The following KIF1B variants were observed in gnomAD, a reference collection of about 807,000 sequenced individuals.
The protein encoded by KIF1B is kinesin-like protein KIF1B.
KIF1B carries 76 observed loss-of-function variants against 241.9 expected under a neutral mutation model. The observed-to-expected ratio is 0.31, with a 90% confidence interval of 0.26 to 0.38. The LOEUF is 0.38. KIF1B is among the 10% of genes least tolerant of loss of function. KIF1B has a pLI of 1.00. For missense variants in KIF1B, 1,622 were observed against 2,271.4 expected (o/e 0.71, Z 5.81); for synonymous variants, 750 against 796.7 (o/e 0.94, Z 0.99).
chr1:10,324,808 C>T lies in KIF1B; in HGVS notation c.2588C>T (p.Ala863Val), dbSNP rs768644439. Reference protein sequence around the residue: ...REMYDRAGEMASSAQDESETT... With the variant: ...REMYDRAGEMVSSAQDESETT... ...ATGTATGATAGGGCAGGGGAGATGGCCTCCAGTGCCCAAGACGAAAGCGAA... is the reference window on the plus strand; with the variant it reads ...ATGTATGATAGGGCAGGGGAGATGGTCTCCAGTGCCCAAGACGAAAGCGAA... The change falls in exon 26 of 49, where the codon GCC (alanine) becomes GTC (valine). Residue 863 changes from alanine (A) to valine (V), a missense_variant. Ala to Val is a moderately conservative substitution (Grantham distance 64). Around this residue, in one of 7 missense-constraint regions of KIF1B, gnomAD observed 803 missense variants for 1,112.0 expected, o/e 0.72. Coordinates refer to ENST00000676179, the MANE Select transcript of KIF1B (RefSeq NM_001365951.3). 5.0e-6 allele frequency: 8 copies of T among 1,613,834 alleles called. No individual in the cohort carries two copies. Among genetic ancestry groups the T allele is most frequent in the Non-Finnish European group, 5.1e-6 (6 of 1,179,872 alleles).
intron 1 of KIF1B, among the ~76,000 whole-genome samples, chr1:10,229,198 A>C (rs779789138): frequency 1.3e-5 from 2 of 152,240 alleles, no homozygotes; most frequent in Non-Finnish European, 2.9e-5. Context: ...GTGATCATAA[A>C]AATATTTGAT....
At position 10,326,269 on chromosome 1, in the gene KIF1B, C is replaced by T; in HGVS notation, c.2834C>T (p.Ser945Phe). The T allele has an allele frequency of 6.2e-7, 1 of 1,614,188 alleles. No homozygotes were observed. The highest frequency in any genetic ancestry group is 8.5e-7 in the Non-Finnish European group (1 of 1,180,040). Residue 945 changes from serine (S) to phenylalanine (F), a missense_variant, in exon 27 of 49, where the codon TCT (serine) becomes TTT (phenylalanine). By Grantham distance (155) the Ser-to-Phe change is radical. Coordinates refer to ENST00000676179, the MANE Select transcript of KIF1B (RefSeq NM_001365951.3). This position sits in a 1 kb window ranked among gnomAD's most constrained non-coding sequence, Gnocchi z 5.2. ...GAGGCATTCGTGGATGACGCCGGCT[C>T]TGACGCAGGGACGGAGGAGGGATCA... ...DDEAFVDDAG[S>F]DAGTEEGSDL...
chr1:10,321,855 A>G lies in KIF1B; in HGVS notation c.2356A>G (p.Lys786Glu), dbSNP rs993285684. The G allele has an allele frequency of 1.2e-6, 2 of 1,614,000 alleles. No homozygotes were observed. Among genetic ancestry groups the G allele is most frequent in the Non-Finnish European group, 1.7e-6 (2 of 1,180,004 alleles). ...ANAISVELKK[K>E]VQFQFVLLTD... ...TGCCATCAGTGTGGAACTGAAAAAG[A>G]AGGTATGGAGCAGGAGGACACAGGA... The change falls in exon 24 of 49, where the codon AAG becomes GAG. Residue 786 changes from lysine (K) to glutamate (E), a missense_variant and splice_region_variant. By Grantham distance (56) the Lys-to-Glu change is moderately conservative. This residue lies in a region of KIF1B where 803 missense variants were observed against 1,112.0 expected (regional missense o/e 0.72). Coordinates refer to ENST00000676179, the MANE Select transcript of KIF1B (RefSeq NM_001365951.3).
chr1:10,337,613 T>A lies in KIF1B; in HGVS notation c.3422+80T>A. 1 of 1,445,072 alleles carries A rather than the reference T, an allele frequency of 6.9e-7. No individual in the cohort carries two copies. The highest frequency in any genetic ancestry group is 9.7e-7 in the Non-Finnish European group (1 of 1,028,998). The allele number at this position is 1,445,072 out of a possible 1,614,324, so 89.5% of individuals were successfully genotyped here. On this transcript the variant is annotated intron_variant, in intron 31 of 48. Transcript: ENST00000676179. The surrounding 1 kb of genome is among the most constrained non-coding windows in gnomAD (Gnocchi z 4.0). ...CTTGTGCACTGTAGAGTGCTTTACA[T>A]GTGTGAGGGATTAACACTCTTGAGA...
chr1:10,221,085 A>C (rs892756500), intron 1 of KIF1B, among the ~76,000 whole-genome samples: 1 of 148,386 alleles, frequency 6.7e-6, no homozygotes, highest in African/African-American at 2.5e-5. Flanking sequence ...GTTAGAATAC[A>C]GAAAGAAGCT....
At position 10,257,795 on chromosome 1, in the gene KIF1B, C is replaced by G. The variant is rs1647883569; in HGVS notation, c.184-698C>G. Among the ~76,000 whole-genome samples, 4 of 152,078 alleles carry G rather than the reference C, an allele frequency of 2.6e-5. 1 individual carries two copies. The South Asian group carries it at 8.3e-4, about 32-fold the overall frequency. On this transcript the variant is annotated intron_variant, in intron 3 of 48. Transcript: ENST00000676179. ...GGTTCAAGCAGTTCTCCTGCTTCAG[C>G]CTCCTGAGTATCTGAGATTACAGGC...
chr1:10,304,383 A>G (rs764163365), intron 22 of KIF1B: 2 of 1,614,114 alleles, frequency 1.2e-6, no homozygotes, highest in Admixed American at 1.7e-5. Context: ...GCTGCCAGGC[A>G]TCTGCCTCCG....
chr1:10,271,595 A>C lies in KIF1B; in HGVS notation c.798+16A>C. On this transcript the variant is annotated intron_variant, in intron 8 of 48. Coordinates refer to ENST00000676179, the MANE Select transcript of KIF1B (RefSeq NM_001365951.3). The stretch of plus-strand genomic sequence containing the variant: ...TCGATTAAAGGTATTTATTTTAGCA[A>C]ATAAATGGCCTGATCAATAAATGGC... The C allele has an allele frequency of 6.4e-7, 1 of 1,573,898 alleles. No individual in the cohort carries two copies. Among genetic ancestry groups the C allele is most frequent in the Non-Finnish European group, 8.7e-7 (1 of 1,143,368 alleles).
rs567157730 is a variant in KIF1B at position 10,303,646 on chromosome 1, G to T, written c.2115+6400G>T. ...CAGCACTGATGTAGATGACCTCAAG[G>T]TTCATATAGACAAGCTGGAAGATAT... On this transcript the variant is annotated intron_variant, in intron 22 of 48. Coordinates refer to ENST00000676179, the MANE Select transcript of KIF1B (RefSeq NM_001365951.3). This position sits in a 1 kb window ranked among gnomAD's most constrained non-coding sequence, Gnocchi z 5.2. 276 of 1,614,168 alleles carry T rather than the reference G, an allele frequency of 1.7e-4. 5 individuals carry two copies. The South Asian group carries it at 2.8e-3, about 16-fold the overall frequency.
Position 10,349,112 on chromosome 1 carries a change from G to A in KIF1B, c.3949+379G>A, listed in dbSNP as rs905049926. Among the ~76,000 whole-genome samples the A allele has an allele frequency of 8.5e-5, 13 of 152,256 alleles. No individual in the cohort carries two copies. In the East Asian group the frequency reaches 2.1e-3, roughly 25 times the overall value. On this transcript the variant is annotated intron_variant, in intron 37 of 48. Transcript: ENST00000676179. ...TAACTAACTCAGTTACCAGGGAATG[G>A]TTCTGTGGTAGAGTCTGTGAGAGGG...
chr1:10,375,017 T>G lies in KIF1B; in HGVS notation c.5260T>G (p.Tyr1754Asp), dbSNP rs1361142669. 1.9e-6 allele frequency: 3 copies of G among 1,614,016 alleles called. No individual in the cohort carries two copies. Among genetic ancestry groups the G allele is most frequent in the Non-Finnish European group, 2.5e-6 (3 of 1,180,004 alleles). Residue 1754 changes from tyrosine (Y) to aspartate (D), a missense_variant, in exon 47 of 49, where the codon TAC becomes GAC. Physicochemically the swap from Tyr to Asp is radical, Grantham distance 160. Transcript: ENST00000676179. ...TAACCTGTCCACAGCACAGGTGGAG[T>G]ACAGTGAGGACCAGCAGGCCATGGT... Reference protein sequence around the residue: ...IINLSTAQVEYSEDQQAMVKT... With the variant: ...IINLSTAQVEDSEDQQAMVKT...
chr1:10,238,848 A>G (rs989170983), intron 2 of KIF1B, among the ~76,000 whole-genome samples: 1 of 152,252 alleles, frequency 6.6e-6, no homozygotes, highest in African/African-American at 2.4e-5. Flanking sequence ...AACATTGTGA[A>G]TAATAAACGA....
chr1:10,335,498 C>T (rs1339235230), intron 28 of KIF1B, among the ~76,000 whole-genome samples: 1 of 152,146 alleles, frequency 6.6e-6, no homozygotes, highest in African/African-American at 2.4e-5. Flanking sequence ...GATGATCTGC[C>T]CACCTCGGCC....
chr1:10,305,997 T>A (rs958949312), intron 22 of KIF1B: 22 of 1,051,266 alleles, frequency 2.1e-5, no homozygotes, highest in Non-Finnish European at 2.5e-5. Flanking sequence ...AGATAGCAGT[T>A]AGCATTCAAG....
chr1:10,308,076 T>A, intron 22 of KIF1B: 2 of 1,060,068 alleles, frequency 1.9e-6, no homozygotes, highest in Non-Finnish European at 2.3e-6. Flanking sequence ...CATTAAAGGC[T>A]GTTTTACTAC....
At chr1:10,317,163 A>G (rs55749155) in intron 22 of KIF1B, among the ~76,000 whole-genome samples, 1 of 151,656 alleles carries the variant, frequency 6.6e-6, no homozygotes, top group Non-Finnish European at 1.5e-5. Context: ...TGAAATGAAC[A>G]GGTGCATGCC....
At chr1:10,288,497 T>A (rs1394441258) in intron 15 of KIF1B, among the ~76,000 whole-genome samples, 2 of 152,180 alleles carry the variant, frequency 1.3e-5, no homozygotes, top group African/African-American at 4.8e-5. Context: ...CCTCTGTGTG[T>A]GTTCTGAAGC....
rs183478468 is a variant in KIF1B, at chr1:10,301,761, G to A, written c.2115+4515G>A. 5.5e-3 allele frequency among the ~76,000 whole-genome samples: 837 copies of A among 152,244 alleles called. 3 individuals carry two copies. The highest frequency in any genetic ancestry group is 8.5e-3 in the Non-Finnish European group (581 of 68,022). Reference sequence around the variant, plus strand: ...CTTTTCCCAGCAACTTTTATCTCCCGAATAGAAATTCTTTCTAATCCCACT... The same window carrying A: ...CTTTTCCCAGCAACTTTTATCTCCCAAATAGAAATTCTTTCTAATCCCACT... On this transcript the variant is annotated intron_variant, in intron 22 of 48. Coordinates refer to ENST00000676179, the MANE Select transcript of KIF1B (RefSeq NM_001365951.3).
rs574678674 is a variant in KIF1B, at chr1:10,308,083, C to G, written c.2115+10837C>G. ...TATGTCTGCATTAAAGGCTGTTTTA[C>G]TACCGGAAGTTACATAGACTTCCTG... On this transcript the variant is annotated intron_variant, in intron 22 of 48. Coordinates refer to ENST00000676179, the MANE Select transcript of KIF1B (RefSeq NM_001365951.3). 3.8e-6 allele frequency: 4 copies of G among 1,059,304 alleles called. No individual in the cohort carries two copies. The African/African-American group carries it at 6.6e-5, about 17-fold the overall frequency. The allele number at this position is 1,059,304 out of a possible 1,614,324, so 65.6% of individuals were successfully genotyped here.
Sources: gnomAD v4.1 joint callset for allele counts (sites outside exome capture counted in the v4.1 genomes callset) on GRCh38, gnomAD v4.1.1 for gene constraint, gnomAD v4.1.1 regional missense constraint, Gnocchi (gnomAD v3.1) non-coding constraint, MANE v1.5 for transcripts, NCBI Gene and HGNC (gene_info 2026-07-23, HGNC 2026-07-21) for gene names.